The following DAD1 variants were observed in gnomAD, a reference collection of about 807,000 sequenced individuals.
The protein encoded by DAD1 is dolichyl-diphosphooligosaccharide--protein glycosyltransferase subunit DAD1.
A neutral mutation model predicts 9.0 loss-of-function variants in DAD1; 4 were observed. The ratio of observed to expected loss-of-function variants is 0.44; its 90% CI spans 0.22 to 1.01. The LOEUF (loss-of-function observed/expected upper bound fraction) is 1.01, where lower values mean the gene tolerates loss of function less well. Among genes scored for constraint, DAD1 ranks in the 50% least tolerant of loss-of-function variants. The pLI, the probability that DAD1 is intolerant of heterozygous loss-of-function variation, is 0.24. For missense variants in DAD1, 119 were observed against 137.3 expected (o/e 0.87, Z 0.67); for synonymous variants, 60 against 62.5 (o/e 0.96, Z 0.19).
intron 1 of DAD1, among the ~76,000 whole-genome samples, chr14:22,580,313 G>A (rs927135995): frequency 2.0e-4 from 31 of 152,054 alleles, no homozygotes; most frequent in African/African-American, 5.3e-4. Context: ...CCAGCTACTC[G>A]GGAGGCTGAG....
At chr14:22,579,190 C>A (rs2037098651) in intron 1 of DAD1, among the ~76,000 whole-genome samples, 1 of 151,442 alleles carries the variant, frequency 6.6e-6, no homozygotes, top group Admixed American at 6.6e-5. Flanking sequence ...CACACTCCAT[C>A]CCCTTGAAGA....
chr14:22,575,111 C>G lies in DAD1; in HGVS notation c.334G>C (p.Val112Leu). 1 of 1,613,898 alleles carries G rather than the reference C, an allele frequency of 6.2e-7. No individual in the cohort carries two copies. Reference sequence around the variant, plus strand: ...AAGTAAATGAGAATGATTCAGCCAACAAAGTTCATGACAACAAGGTGCAGG... The same window carrying G: ...AAGTAAATGAGAATGATTCAGCCAAGAAAGTTCATGACAACAAGGTGCAGG... The part of the protein sequence containing the change: ...TILHLVVMNF[V>L]G Residue 112 changes from valine (V) to leucine (L), a missense_variant, in exon 2 of 3, where the codon GTT becomes CTT. Coordinates refer to ENST00000250498, the MANE Select transcript of DAD1 (RefSeq NM_001344.4).
chr14:22,585,015 G>C (rs1255420049), intron 1 of DAD1, among the ~76,000 whole-genome samples: 1 of 152,212 alleles, frequency 6.6e-6, no homozygotes, highest in African/African-American at 2.4e-5. Flanking sequence ...AGGCACATGG[G>C]TGGCAAACTT....
intron 2 of DAD1, among the ~76,000 whole-genome samples, chr14:22,565,486 T>C (rs1166329217): frequency 6.6e-6 from 1 of 151,988 alleles, no homozygotes; most frequent in Non-Finnish European, 1.5e-5. Context: ...GGTGAGAGGG[T>C]TGTAGTTTAA....
chr14:22,577,898 A>G (rs756081288), intron 1 of DAD1, among the ~76,000 whole-genome samples: 27 of 152,226 alleles, frequency 1.8e-4, no homozygotes, highest in Admixed American at 5.2e-4. Flanking sequence ...AATGCCACAG[A>G]ACTATACACT....
At chr14:22,583,707 T>C (rs1371162375) in intron 1 of DAD1, among the ~76,000 whole-genome samples, 3 of 152,034 alleles carry the variant, frequency 2.0e-5, no homozygotes, top group African/African-American at 4.8e-5. Flanking sequence ...AGAGGAATAA[T>C]TGCAGAAGCG....
intron 1 of DAD1, 82 bp from the exon 2 acceptor site, chr14:22,575,315 A>G (rs2037069158): frequency 1.4e-6 from 2 of 1,478,352 alleles, no homozygotes; most frequent in African/African-American, 1.4e-5. Context: ...ATACCCGAGG[A>G]CCCAACAATT....
At chr14:22,568,477 C>T (rs1042163873) in intron 2 of DAD1, among the ~76,000 whole-genome samples, 2 of 152,128 alleles carry the variant, frequency 1.3e-5, no homozygotes, top group Non-Finnish European at 2.9e-5. Context: ...AAACAGAAAG[C>T]AAAGCCCAAA....
At chr14:22,573,525 A>G (rs1487468197) in intron 2 of DAD1, among the ~76,000 whole-genome samples, 2 of 152,024 alleles carry the variant, frequency 1.3e-5, no homozygotes, top group Non-Finnish European at 2.9e-5. Flanking sequence ...TCATCCTAAC[A>G]CGGTGAAACT....
At chr14:22,569,829 A>G (rs1224159003) in intron 2 of DAD1, among the ~76,000 whole-genome samples, 1 of 152,236 alleles carries the variant, frequency 6.6e-6, no homozygotes, top group Non-Finnish European at 1.5e-5. Flanking sequence ...CAAAGTTTTA[A>G]GAATGAAAGG....
At chr14:22,572,544 T>C (rs2037048442) in intron 2 of DAD1, among the ~76,000 whole-genome samples, 1 of 152,178 alleles carries the variant, frequency 6.6e-6, no homozygotes, top group Non-Finnish European at 1.5e-5. Flanking sequence ...TTGCTATGCT[T>C]TGGGCCCATA....
chr14:22,574,699 G>A (rs2037064826), intron 2 of DAD1, among the ~76,000 whole-genome samples: 2 of 152,142 alleles, frequency 1.3e-5, no homozygotes, highest in Admixed American at 1.3e-4. Context: ...AAAGTCATCT[G>A]AGATCAAAAT....
chr14:22,572,863 C>CAT (rs1331709670), intron 2 of DAD1, among the ~76,000 whole-genome samples: 1 of 152,162 alleles, frequency 6.6e-6, no homozygotes, highest in Non-Finnish European at 1.5e-5. Context: ...TTCCAGAAGG[C>CAT]TCTATCAGGA....
chr14:22,587,257 G>A (rs1201896258), intron 1 of DAD1, among the ~76,000 whole-genome samples: 1 of 152,170 alleles, frequency 6.6e-6, no homozygotes, highest in Non-Finnish European at 1.5e-5. Flanking sequence ...GGCTTATGAA[G>A]GCAGGGTGAC....
intron 1 of DAD1, among the ~76,000 whole-genome samples, chr14:22,583,529 G>T (rs182102961): frequency 2.6e-5 from 4 of 152,238 alleles, no homozygotes; most frequent in Admixed American, 6.5e-5. Context: ...GGAGGAAGTA[G>T]GAACATTAAT....
chr14:22,564,939 G>A lies in DAD1; in HGVS notation c.*243C>T. The A allele has an allele frequency of 3.4e-6, 2 of 589,324 alleles. No individual in the cohort carries two copies. Among genetic ancestry groups the A allele is most frequent in the South Asian group, 2.1e-5 (1 of 47,156 alleles). The allele number at this position is 589,324 out of a possible 1,614,324, so 36.5% of individuals were successfully genotyped here. On this transcript the variant is annotated 3_prime_UTR_variant, in exon 3 of 3. Transcript: ENST00000250498. ...GGCATGGAGTTCTTTAATTTGGAAG[G>A]CAAAAGGTTACATTTAATGAAAGGC...
chr14:22,568,095 G>C (rs1784962106), intron 2 of DAD1, among the ~76,000 whole-genome samples: 1 of 151,638 alleles, frequency 6.6e-6, no homozygotes, highest in Admixed American at 6.5e-5. Flanking sequence ...TAAAGGTTTA[G>C]AGTCCAAATG....
chr14:22,585,017 G>A (rs2037143096), intron 1 of DAD1, among the ~76,000 whole-genome samples: 1 of 152,206 alleles, frequency 6.6e-6, no homozygotes, highest in Non-Finnish European at 1.5e-5. Flanking sequence ...GCACATGGGT[G>A]GCAAACTTCT....
chr14:22,580,917 G>A (rs1304025144), intron 1 of DAD1, among the ~76,000 whole-genome samples: 1 of 151,640 alleles, frequency 6.6e-6, no homozygotes, highest in Non-Finnish European at 1.5e-5. Flanking sequence ...ACATCTCTCA[G>A]ATGCATTGGA....
Sources: gnomAD v4.1 joint callset for allele counts (sites outside exome capture counted in the v4.1 genomes callset) on GRCh38, gnomAD v4.1.1 for gene constraint, MANE v1.5 for transcripts, NCBI Gene and HGNC (gene_info 2026-07-23, HGNC 2026-07-21) for gene names.